The following MALRD1 variants were observed in gnomAD, a reference collection of about 807,000 sequenced individuals.
The protein encoded by MALRD1 is MAM and LDL-receptor class A domain-containing protein 1.
A neutral mutation model predicts 242.1 loss-of-function variants in MALRD1; 247 were observed. The observed-to-expected ratio is 1.02, with a 90% CI of 0.92 to 1.13. MALRD1 has a LOEUF of 1.13. Among genes scored for constraint, MALRD1 ranks in the 50% most tolerant of loss-of-function variants. MALRD1 has a pLI of 0.00. For synonymous variants in MALRD1, 995 were observed against 866.6 expected, an observed-to-expected ratio of 1.15 and a Z score of -2.60; for missense variants, 2,989 against 2,533.1, an observed-to-expected ratio of 1.18 and a Z score of -3.86.
At chr10:19,168,846 G>A (rs1041042294) in intron 13 of MALRD1, among the ~76,000 whole-genome samples, 3 of 151,846 alleles carry the variant, frequency 2.0e-5, no homozygotes, top group Admixed American at 6.6e-5. Flanking sequence ...TCGAGGCCTC[G>A]GTCACATTGA....
At chr10:19,103,492 C>T (rs989675882) in intron 4 of MALRD1, among the ~76,000 whole-genome samples, 3 of 140,070 alleles carry the variant, frequency 2.1e-5, no homozygotes, top group Non-Finnish European at 4.5e-5. Flanking sequence ...ATGTGGGAGG[C>T]GGAGCTTGTA....
At chr10:19,106,046 TTTTA>T (rs1197533158) in intron 5 of MALRD1, among the ~76,000 whole-genome samples, 1 of 151,818 alleles carries the variant, frequency 6.6e-6, no homozygotes, top group Non-Finnish European at 1.5e-5. Flanking sequence ...AAAGGACTGG[TTTTA>T]TTTGTTTATT....
At chr10:19,354,005 G>A (rs1844515659) in intron 26 of MALRD1, among the ~76,000 whole-genome samples, 1 of 151,598 alleles carries the variant, frequency 6.6e-6, no homozygotes, top group African/African-American at 2.4e-5. Context: ...AGGATTTCAG[G>A]CATGAGCCAC....
At chr10:19,355,616 G>A (rs1404583433) in intron 26 of MALRD1, among the ~76,000 whole-genome samples, 1 of 150,778 alleles carries the variant, frequency 6.6e-6, no homozygotes, top group East Asian at 2.0e-4. Flanking sequence ...TTACATTCAA[G>A]CAGATAACAA....
chr10:19,508,375 A>G (rs1833240044), intron 31 of MALRD1, among the ~76,000 whole-genome samples: 1 of 152,218 alleles, frequency 6.6e-6, no homozygotes, highest in African/African-American at 2.4e-5. Context: ...GTCTCATTTA[A>G]TATTTTTAAA....
At chr10:19,387,908 G>C (rs1846154618) in intron 27 of MALRD1, 135 bp downstream of exon 27, 6 of 1,159,216 alleles carry the variant, frequency 5.2e-6, no homozygotes, top group Non-Finnish European at 5.9e-6. Context: ...CATTTAGTGA[G>C]TGTTTTTTTT....
intron 21 of MALRD1, among the ~76,000 whole-genome samples, chr10:19,298,355 C>T (rs1003781929): frequency 6.6e-6 from 1 of 151,960 alleles, no homozygotes; most frequent in African/African-American, 2.4e-5. Flanking sequence ...CTTCACCTCC[C>T]AGCACTGCCA....
chr10:19,389,127 T>C lies in MALRD1; in HGVS notation c.4688-325T>C, dbSNP rs1274685859. ...TTTTTTAGATTTCATTGGTAGTCTT[T>C]ACATTATTTTACAATCACTTGGTAG... is the stretch of plus-strand genomic sequence containing the variant. On this transcript the variant is annotated intron_variant, in intron 27 of 39. Transcript: ENST00000454679. 7 of 402,096 alleles carry C rather than the reference T, an allele frequency of 1.7e-5. No homozygotes were observed. The East Asian group carries it at 3.3e-4, about 19-fold the overall frequency. 24.9% of individuals were successfully genotyped at this position (402,096 alleles called of 1,614,324 possible).
chr10:19,258,862 C>G (rs1382806152), intron 19 of MALRD1, among the ~76,000 whole-genome samples: 1 of 152,138 alleles, frequency 6.6e-6, no homozygotes, highest in East Asian at 1.9e-4. Context: ...CCTCTCAATC[C>G]TGCCACTCCT....
At chr10:19,542,505 T>G (rs1835015727) in intron 32 of MALRD1, among the ~76,000 whole-genome samples, 1 of 151,950 alleles carries the variant, frequency 6.6e-6, no homozygotes. Flanking sequence ...TTTTTGTTTA[T>G]GAGTCGTGAG....
chr10:19,366,405 T>G (rs1005124378), intron 26 of MALRD1, among the ~76,000 whole-genome samples: 1 of 152,054 alleles, frequency 6.6e-6, no homozygotes, highest in African/African-American at 2.4e-5. Context: ...ATGTGAGTGG[T>G]GGGGAGCAGC....
chr10:19,567,710 G>A lies in MALRD1; in HGVS notation c.5680+7G>A. On this transcript the variant is annotated splice_region_variant and intron_variant, in intron 33 of 39. Coordinates refer to ENST00000454679, the MANE Select transcript of MALRD1 (RefSeq NM_001142308.3). ...CCAGAGTGTGTGACTGGAGGTAAGT[G>A]ATTCTTTCAGAAAATGGGAATAAGT... The A allele has an allele frequency of 1.9e-6, 3 of 1,548,182 alleles. No homozygotes were observed. Among genetic ancestry groups the A allele is most frequent in the Non-Finnish European group, 2.6e-6 (3 of 1,145,000 alleles).
At chr10:19,158,070 G>A (rs1834242357) in intron 12 of MALRD1, among the ~76,000 whole-genome samples, 1 of 152,196 alleles carries the variant, frequency 6.6e-6, no homozygotes, top group Non-Finnish European at 1.5e-5. Flanking sequence ...AGGACAAACA[G>A]AACACGAGGG....
rs1393527600 is a variant in MALRD1, at chr10:19,219,623, T to G, written c.2991+9943T>G. ...GCTAATTTTTAAATTTTTTTATACA[T>G]ATGTTGCCCAAGCTGGTCTCAAATT... On this transcript the variant is annotated intron_variant, in intron 18 of 39. Coordinates refer to ENST00000454679, the MANE Select transcript of MALRD1 (RefSeq NM_001142308.3). Among the ~76,000 whole-genome samples the G allele has an allele frequency of 3.3e-5, 5 of 152,064 alleles. No individual in the cohort carries two copies. The East Asian group carries it at 9.7e-4, about 29-fold the overall frequency.
intron 24 of MALRD1, among the ~76,000 whole-genome samples, chr10:19,345,221 T>A (rs982063146): frequency 1.2e-5 from 1 of 84,788 alleles, no homozygotes; most frequent in Non-Finnish European, 2.4e-5. Context: ...AAAAATATGA[T>A]TTACATTATA....
At chr10:19,371,469 G>GT (rs534607970) in intron 26 of MALRD1, among the ~76,000 whole-genome samples, 1 of 95,914 alleles carries the variant, frequency 1.0e-5, no homozygotes, top group Non-Finnish European at 2.2e-5. Flanking sequence ...AGAAAATTAT[G>GT]TTTTTTTGTT....
At chr10:19,677,713 G>A (rs1398640063) in intron 36 of MALRD1, among the ~76,000 whole-genome samples, 1 of 152,062 alleles carries the variant, frequency 6.6e-6, no homozygotes, top group Non-Finnish European at 1.5e-5. Flanking sequence ...GGCAACTGCT[G>A]TTGACATTTT....
intron 21 of MALRD1, among the ~76,000 whole-genome samples, chr10:19,319,378 A>G (rs988486808): frequency 6.6e-6 from 1 of 152,106 alleles, no homozygotes; most frequent in Non-Finnish European, 1.5e-5. Context: ...TTTATAAAAA[A>G]CGTTATTCTT....
chr10:19,078,470 G>T (rs992771068), intron 2 of MALRD1, among the ~76,000 whole-genome samples: 4 of 151,768 alleles, frequency 2.6e-5, no homozygotes, highest in African/African-American at 4.8e-5. Context: ...CAGTTATGTT[G>T]TTCTCTTGTT....
Sources: allele counts gnomAD v4.1 joint callset (sites outside exome capture counted in the v4.1 genomes callset), GRCh38; gene constraint gnomAD v4.1.1; transcripts MANE v1.5; gene names NCBI Gene and HGNC (gene_info 2026-07-23, HGNC 2026-07-21).